The following GRM7 variants were observed in gnomAD, a reference collection of about 807,000 sequenced individuals.
GRM7 encodes the protein glutamate metabotropic receptor 7, also known as metabotropic glutamate receptor 7.
GRM7 carries 35 observed loss-of-function variants against 84.5 expected under a neutral mutation model. That is an observed-to-expected ratio of 0.41 (90% CI 0.32 to 0.55). GRM7 has a LOEUF of 0.55. Among genes scored for constraint, GRM7 ranks in the 20% least tolerant of loss-of-function variants. The pLI is 0.19. For synonymous variants in GRM7, 487 were observed against 455.1 expected (o/e 1.07, Z -0.89); for missense variants, 1,003 against 1,194.6 (o/e 0.84, Z 2.36).
At chr3:7,660,907 A>G (rs1315174467) in intron 8 of GRM7, among the ~76,000 whole-genome samples, 1 of 152,218 alleles carries the variant, frequency 6.6e-6, no homozygotes, top group Non-Finnish European at 1.5e-5. Context: ...CTAGAGTAAT[A>G]GTAATATCCA....
intron 1 of GRM7, among the ~76,000 whole-genome samples, chr3:6,932,950 T>C (rs903013953): frequency 2.0e-5 from 3 of 152,012 alleles, no homozygotes; most frequent in African/African-American, 7.2e-5. Flanking sequence ...AGTCGGAGTT[T>C]CACCATGTTG....
At chr3:7,429,919 C>A (rs531530452) in intron 5 of GRM7, among the ~76,000 whole-genome samples, 1 of 152,060 alleles carries the variant, frequency 6.6e-6, no homozygotes, top group Admixed American at 6.5e-5. Context: ...TTAGAAACCA[C>A]AAAAGAAAAA....
chr3:7,697,296 A>C (rs1701057181), intron 9 of GRM7, among the ~76,000 whole-genome samples: 1 of 152,110 alleles, frequency 6.6e-6, no homozygotes. Context: ...GTTTTGTTTT[A>C]TTATGTGCTT....
chr3:7,164,832 A>G (rs1694747845), intron 2 of GRM7, among the ~76,000 whole-genome samples: 1 of 152,200 alleles, frequency 6.6e-6, no homozygotes, highest in Non-Finnish European at 1.5e-5. Context: ...GTAATGATAG[A>G]CTCAAAGGCA....
At chr3:7,084,363 G>A (rs1698373500) in intron 1 of GRM7, among the ~76,000 whole-genome samples, 1 of 152,102 alleles carries the variant, frequency 6.6e-6, no homozygotes, top group African/African-American at 2.4e-5. Context: ...AATCTGTGTT[G>A]CAACAAGCCT....
At chr3:7,498,816 C>G (rs935142448) in intron 7 of GRM7, among the ~76,000 whole-genome samples, 13 of 152,114 alleles carry the variant, frequency 8.5e-5, no homozygotes, top group Non-Finnish European at 1.5e-4. Flanking sequence ...TAAAAGAGAC[C>G]TGTTCTGATT....
chr3:7,432,968 T>A (rs1159572730), intron 5 of GRM7, among the ~76,000 whole-genome samples: 1 of 152,044 alleles, frequency 6.6e-6, no homozygotes. Flanking sequence ...AGATAATGAC[T>A]GAAGAATTTT....
At chr3:7,672,773 T>G (rs1313912466) in intron 8 of GRM7, among the ~76,000 whole-genome samples, 2 of 151,826 alleles carry the variant, frequency 1.3e-5, no homozygotes. Context: ...CCCGGCTAAT[T>G]TTTTTTGTAT....
chr3:7,317,277 A>G (rs1302103816), intron 4 of GRM7, among the ~76,000 whole-genome samples: 1 of 147,810 alleles, frequency 6.8e-6, no homozygotes, highest in South Asian at 2.1e-4. Context: ...CCCAATTTTT[A>G]TATGAGCATA....
chr3:7,013,795 T>C (rs1362198684), intron 1 of GRM7, among the ~76,000 whole-genome samples: 2 of 152,158 alleles, frequency 1.3e-5, no homozygotes, highest in East Asian at 3.8e-4. Flanking sequence ...CTAAAAGCAA[T>C]TGCAATTGTT....
intron 1 of GRM7, among the ~76,000 whole-genome samples, chr3:7,033,010 T>G (rs1018908789): frequency 1.3e-5 from 2 of 152,190 alleles, no homozygotes; most frequent in Admixed American, 1.3e-4. Flanking sequence ...GCTGGAAGTC[T>G]GAAATCAAGG....
At chr3:7,345,924 T>G (rs1174344644) in intron 4 of GRM7, among the ~76,000 whole-genome samples, 1 of 151,940 alleles carries the variant, frequency 6.6e-6, no homozygotes, top group African/African-American at 2.4e-5. Flanking sequence ...TCAAGCAGAG[T>G]ATAAAGACGT....
chr3:7,297,287 A>G (rs1699847498), intron 2 of GRM7, among the ~76,000 whole-genome samples: 2 of 152,034 alleles, frequency 1.3e-5, no homozygotes, highest in Admixed American at 6.6e-5. Context: ...TTAATTTCCA[A>G]GTGTTTGGAG....
intron 7 of GRM7, among the ~76,000 whole-genome samples, chr3:7,491,212 G>A (rs764432584): frequency 1.3e-4 from 20 of 151,884 alleles, no homozygotes; most frequent in Non-Finnish European, 2.6e-4. Flanking sequence ...CAGTTAAAAT[G>A]TATCAAATGA....
intron 5 of GRM7, among the ~76,000 whole-genome samples, chr3:7,442,123 A>G (rs960143648): frequency 1.3e-4 from 20 of 152,034 alleles, no homozygotes; most frequent in African/African-American, 4.6e-4. Flanking sequence ...GACATAGAAT[A>G]CTTTTCTGTT....
chr3:7,269,263 A>T (rs188050554), intron 2 of GRM7, among the ~76,000 whole-genome samples: 121 of 152,302 alleles, frequency 7.9e-4, no homozygotes, highest in African/African-American at 2.7e-3. Context: ...GAGCAGACGA[A>T]ATTTAAACAA....
chr3:7,059,139 G>A (rs1289234706), intron 1 of GRM7, among the ~76,000 whole-genome samples: 3 of 151,684 alleles, frequency 2.0e-5, no homozygotes, highest in Non-Finnish European at 1.5e-5. Context: ...GAAAGTCTTT[G>A]AAGAGGATCC....
chr3:7,293,971 T>C (rs1699727599), intron 2 of GRM7, among the ~76,000 whole-genome samples: 1 of 152,248 alleles, frequency 6.6e-6, no homozygotes, highest in Non-Finnish European at 1.5e-5. Context: ...TATTTCTCTT[T>C]CTCTGTTTTC....
chr3:7,060,171 G>C (rs955560358), intron 1 of GRM7, among the ~76,000 whole-genome samples: 3 of 151,736 alleles, frequency 2.0e-5, no homozygotes, highest in Non-Finnish European at 4.4e-5. Context: ...AATTGGCAAG[G>C]CCCTTGAGTT....
Sources: allele counts gnomAD v4.1 joint callset (sites outside exome capture counted in the v4.1 genomes callset), GRCh38; gene constraint gnomAD v4.1.1; transcripts MANE v1.5; gene names NCBI Gene and HGNC (gene_info 2026-07-23, HGNC 2026-07-21).